Variants in SMAD9 observed in about 807,000 individuals in gnomAD.
The protein encoded by SMAD9 is MAD homolog 9.
In SMAD9, 36 loss-of-function variants were observed where a neutral mutation model predicts 46.1. That is an observed-to-expected ratio of 0.78 (90% confidence interval 0.60 to 1.03). SMAD9 has a LOEUF of 1.03. Ranked by LOEUF, SMAD9 falls within the 50% of genes least tolerant of loss-of-function variation. SMAD9 has a pLI of 0.00. For synonymous variants in SMAD9, 245 were observed against 237.1 expected, an observed-to-expected ratio of 1.03 and a Z score of -0.31; for missense variants, 572 against 599.8, an observed-to-expected ratio of 0.95 and a Z score of 0.48.
chr13:36,878,946 A>G (rs1374667121), intron 2 of SMAD9, among the ~76,000 whole-genome samples: 2 of 152,176 alleles, frequency 1.3e-5, no homozygotes, highest in African/African-American at 4.8e-5. Context: ...TCAAATGAAA[A>G]TATCTTCTTT....
intron 1 of SMAD9, among the ~76,000 whole-genome samples, chr13:36,893,994 T>C (rs916070745): frequency 5.9e-5 from 9 of 152,178 alleles, no homozygotes; most frequent in African/African-American, 2.2e-4. Flanking sequence ...TAGACAATTT[T>C]ATATAACATG....
chr13:36,914,772 AT>A (rs1363288799), intron 1 of SMAD9, among the ~76,000 whole-genome samples: 2 of 152,320 alleles, frequency 1.3e-5, no homozygotes, highest in Non-Finnish European at 2.9e-5. Context: ...AGTCAGTTAA[AT>A]TTAGATACAA....
At chr13:36,903,126 GTTTT>G (rs375828906) in intron 1 of SMAD9, among the ~76,000 whole-genome samples, 1 of 127,620 alleles carries the variant, frequency 7.8e-6, no homozygotes, top group Admixed American at 8.1e-5. Context: ...TTTTCTTTTG[GTTTT>G]TTTTTTTTTT....
intron 1 of SMAD9, among the ~76,000 whole-genome samples, chr13:36,884,098 T>C (rs1593595617): frequency 1.3e-5 from 2 of 152,284 alleles, no homozygotes; most frequent in Admixed American, 6.5e-5. Flanking sequence ...CCTTCACTCA[T>C]GACACTTCAC....
Position 36,895,965 on chromosome 13 carries a change from G to A in SMAD9, c.-186-16090C>T, listed in dbSNP as rs114786872. Among the ~76,000 whole-genome samples, 960 of 152,258 alleles carry A rather than the reference G, an allele frequency of 6.3e-3. 12 individuals carry two copies. The highest frequency in any genetic ancestry group is 0.022 in the African/African-American group (932 of 41,534). On this transcript the variant is annotated intron_variant, in intron 1 of 6. Transcript: ENST00000379826. ...AGAAGAACTGCAGTTTCCTATTTAT[G>A]TTACCTAAATCAGAAGTAATGTGCA...
At chr13:36,905,395 T>C (rs1251229667) in intron 1 of SMAD9, among the ~76,000 whole-genome samples, 1 of 152,180 alleles carries the variant, frequency 6.6e-6, no homozygotes, top group Admixed American at 6.6e-5. Flanking sequence ...TTACAGTTAC[T>C]GCCAGATTTT....
intron 1 of SMAD9, among the ~76,000 whole-genome samples, chr13:36,910,518 GGGGGTTGTGA>G (rs1343349289): frequency 1.3e-5 from 2 of 152,136 alleles, no homozygotes; most frequent in African/African-American, 4.8e-5. Flanking sequence ...ATCATGAGGT[GGGGGTTGTGA>G]GTTGACGCCT....
At chr13:36,902,332 T>A (rs1388218472) in intron 1 of SMAD9, among the ~76,000 whole-genome samples, 1 of 152,246 alleles carries the variant, frequency 6.6e-6, no homozygotes, top group Non-Finnish European at 1.5e-5. Context: ...GGTTTATTTC[T>A]GGACTTTCAA....
rs760510133 is a variant in SMAD9, at chr13:36,865,647, A to T, written c.893T>A (p.Ile298Lys). The change falls in exon 5 of 7, where the codon ATA becomes AAA. Residue 298 changes from isoleucine (I) to lysine (K), a missense_variant. Physicochemically the swap from Ile to Lys is moderately radical, Grantham distance 102 (BLOSUM62 -3). Transcript: ENST00000379826. Reference protein sequence around the residue: ...TFQASSRSVLIDGFTDPSNNR... With the variant: ...TFQASSRSVLKDGFTDPSNNR... ...ATTTGAAGGGTCGGTGAACCCATCTATGAGCACACTTCGGGAGGAAGCCTG... is the reference window on the plus strand; with the variant it reads ...ATTTGAAGGGTCGGTGAACCCATCTTTGAGCACACTTCGGGAGGAAGCCTG... The T allele has an allele frequency of 6.2e-6, 10 of 1,614,196 alleles. No homozygotes were observed. Among genetic ancestry groups the T allele is most frequent in the Middle Eastern group, 1.6e-4 (1 of 6,062 alleles).
intron 5 of SMAD9, among the ~76,000 whole-genome samples, chr13:36,854,330 C>CA (rs1326376087): frequency 1.3e-5 from 2 of 151,154 alleles, no homozygotes; most frequent in South Asian, 2.1e-4. Flanking sequence ...ATATATCACA[C>CA]AAAAAAATCA....
At chr13:36,883,316 A>T (rs543723494) in intron 1 of SMAD9, among the ~76,000 whole-genome samples, 1 of 152,282 alleles carries the variant, frequency 6.6e-6, no homozygotes, top group Admixed American at 6.5e-5. Context: ...TATTTCTCTC[A>T]GTTACTACAT....
intron 3 of SMAD9, among the ~76,000 whole-genome samples, chr13:36,868,306 T>C (rs2058255456): frequency 6.6e-6 from 1 of 152,202 alleles, no homozygotes; most frequent in African/African-American, 2.4e-5. Context: ...TAATGCAGGG[T>C]TCGTGGACCA....
intron 6 of SMAD9, among the ~76,000 whole-genome samples, chr13:36,849,036 G>A (rs1231243708): frequency 6.6e-6 from 1 of 152,212 alleles, no homozygotes; most frequent in Non-Finnish European, 1.5e-5. Context: ...TTCCCTCAGG[G>A]TTCACAACTG....
chr13:36,883,307 A>G (rs1299125451), intron 1 of SMAD9, among the ~76,000 whole-genome samples: 1 of 152,174 alleles, frequency 6.6e-6, no homozygotes, highest in Non-Finnish European at 1.5e-5. Flanking sequence ...GGCGATTAAT[A>G]TTTCTCTCAG....
chr13:36,917,939 T>C (rs1034647208), intron 1 of SMAD9, among the ~76,000 whole-genome samples: 8 of 152,236 alleles, frequency 5.3e-5, no homozygotes, highest in African/African-American at 1.9e-4. Flanking sequence ...TTCATCTTTA[T>C]GAAACAATTT....
intron 1 of SMAD9, among the ~76,000 whole-genome samples, chr13:36,885,501 C>G (rs142442978): frequency 1.3e-5 from 2 of 152,280 alleles, no homozygotes; most frequent in East Asian, 3.9e-4. Context: ...GACATAATCA[C>G]TTTATGCATA....
chr13:36,900,762 T>C (rs1001853801), intron 1 of SMAD9, among the ~76,000 whole-genome samples: 1 of 151,240 alleles, frequency 6.6e-6, no homozygotes, highest in Non-Finnish European at 1.5e-5. Flanking sequence ...TTAAAAAAAT[T>C]ATTAAAGTGA....
intron 1 of SMAD9, among the ~76,000 whole-genome samples, chr13:36,908,770 T>C (rs1378069172): frequency 2.6e-5 from 4 of 152,188 alleles, no homozygotes; most frequent in South Asian, 4.1e-4. Flanking sequence ...CAACTAATTA[T>C]GGTGGGAGGA....
chr13:36,912,434 T>C (rs1262254835), intron 1 of SMAD9, among the ~76,000 whole-genome samples: 3 of 152,166 alleles, frequency 2.0e-5, no homozygotes, highest in African/African-American at 4.8e-5. Context: ...TATACTACTA[T>C]TGAGACAGCA....
Sources: allele counts gnomAD v4.1 joint callset (sites outside exome capture counted in the v4.1 genomes callset), GRCh38; gene constraint gnomAD v4.1.1; transcripts MANE v1.5; gene names NCBI Gene and HGNC (gene_info 2026-07-23, HGNC 2026-07-21).